Variants in CCDC62 observed in about 807,000 individuals in gnomAD.
The protein encoded by CCDC62 is coiled-coil domain-containing protein 62.
Under a neutral mutation model 80.8 loss-of-function variants are expected in CCDC62, and 72 were observed. The ratio of observed to expected loss-of-function variants is 0.89; its 90% CI spans 0.74 to 1.08. CCDC62 has a LOEUF of 1.08. Among genes scored for constraint, CCDC62 ranks in the 50% least tolerant of loss-of-function variants. The pLI, the probability that CCDC62 is intolerant of heterozygous loss-of-function variation, is 0.00. For synonymous variants in CCDC62, 286 were observed against 296.5 expected (o/e 0.96, Z 0.36); for missense variants, 704 against 809.4 (o/e 0.87, Z 1.58).
intron 10 of CCDC62, among the ~76,000 whole-genome samples, chr12:122,807,374 T>A (rs2031663305): frequency 1.3e-5 from 2 of 151,514 alleles, no homozygotes; most frequent in South Asian, 4.2e-4. Flanking sequence ...TCTACTAAAA[T>A]AAAAAAATTA....
chr12:122,781,483 C>T (rs1041914424), intron 3 of CCDC62, among the ~76,000 whole-genome samples, 153 bp downstream of exon 3: 3 of 151,978 alleles, frequency 2.0e-5, no homozygotes, highest in South Asian at 2.1e-4. Context: ...GTCAGGAGTT[C>T]GAGACCAGCC....
At chr12:122,814,656 T>A (rs553996604) in intron 11 of CCDC62, among the ~76,000 whole-genome samples, 7 of 151,816 alleles carry the variant, frequency 4.6e-5, no homozygotes, top group African/African-American at 1.5e-4. Flanking sequence ...TACAGGCACC[T>A]GCCACCATGC....
intron 1 of CCDC62, 163 bp from the exon 2 acceptor site, chr12:122,777,328 C>A (rs902823185): frequency 1.7e-6 from 1 of 590,880 alleles, no homozygotes; most frequent in African/African-American, 1.9e-5. Flanking sequence ...TTAACTTGAA[C>A]ATGTTTTAAG....
rs558880330 is a variant in CCDC62, at chr12:122,803,885, G to A, written c.1706+2033G>A. Among the ~76,000 whole-genome samples the A allele has an allele frequency of 1.1e-4, 16 of 152,226 alleles. No homozygotes were observed. In the East Asian group the frequency reaches 1.9e-3, roughly 18 times the overall value. On this transcript the variant is annotated intron_variant, in intron 9 of 12. Transcript: ENST00000253079. Reference sequence around the variant, plus strand: ...AAGAGCATAGAGGATTAAATTTAACGTATGAAATAAGTTCAGATTTACATT... The same window carrying A: ...AAGAGCATAGAGGATTAAATTTAACATATGAAATAAGTTCAGATTTACATT...
At chr12:122,808,539 T>C (rs2031723054) in intron 10 of CCDC62, among the ~76,000 whole-genome samples, 1 of 152,166 alleles carries the variant, frequency 6.6e-6, no homozygotes, top group Non-Finnish European at 1.5e-5. Context: ...TTTTTTTCTT[T>C]TTTTAGAGAC....
In CCDC62 at chr12:122,806,277, A is replaced by T; in HGVS notation, c.1833A>T (p.Ala611=). ...CGAGTTTGTTAATCTACAAAGATGC[A>T]CCAGCATTCAATGAAAAGGTTCGTA... The part of the protein sequence containing the change: ...SPTSLLIYKD[A]PAFNEKASIV... Residue 611 remains alanine (A), a synonymous_variant, in exon 10 of 13, where the codon GCA becomes GCT. Transcript: ENST00000253079. 6.2e-7 allele frequency: 1 copy of T among 1,610,300 alleles called. No homozygotes were observed. The highest frequency in any genetic ancestry group is 8.5e-7 in the Non-Finnish European group (1 of 1,177,654).
In CCDC62 at chr12:122,801,095, C is replaced by G. The variant is rs376874915; in HGVS notation, c.978-29C>G. The stretch of plus-strand genomic sequence containing the variant: ...TGATAGCATCAAGTATATCTTATAA[C>G]CTCCATTTTTTTTCTAATGCCACCA... On this transcript the variant is annotated intron_variant, in intron 8 of 12. Coordinates refer to ENST00000253079, the MANE Select transcript of CCDC62 (RefSeq NM_201435.5). 140 of 1,579,844 alleles carry G rather than the reference C, an allele frequency of 8.9e-5. No individual in the cohort carries two copies. In the African/African-American group the frequency reaches 1.8e-3, roughly 20 times the overall value.
intron 8 of CCDC62, among the ~76,000 whole-genome samples, chr12:122,800,263 A>G (rs1045439190): frequency 4.9e-5 from 7 of 143,148 alleles, no homozygotes; most frequent in Admixed American, 2.2e-4. Context: ...AGGAGGTACT[A>G]GATGAGTTGA....
intron 1 of CCDC62, chr12:122,776,583 A>C (rs948067425): frequency 6.6e-6 from 1 of 152,190 alleles, no homozygotes; most frequent in Non-Finnish European, 1.5e-5. Flanking sequence ...CATGTGAAAG[A>C]TTTCCTTACA....
chr12:122,806,372 A>G, intron 10 of CCDC62, 77 bp downstream of exon 10: 1 of 1,143,414 alleles, frequency 8.7e-7, no homozygotes, highest in Non-Finnish European at 1.2e-6. Context: ...TCTAGCAACC[A>G]CTGTTAGCTT....
At chr12:122,804,501 T>C (rs185677782) in intron 9 of CCDC62, among the ~76,000 whole-genome samples, 107 of 152,024 alleles carry the variant, frequency 7.0e-4, no homozygotes, top group Admixed American at 3.0e-3. Context: ...AAAAAGGTCA[T>C]TGGCCAAGTG....
intron 8 of CCDC62, among the ~76,000 whole-genome samples, chr12:122,799,221 A>G (rs2031146839): frequency 6.6e-6 from 1 of 152,236 alleles, no homozygotes. Context: ...AAGTAAATTT[A>G]TTTAACCTGA....
intron 4 of CCDC62, 98 bp downstream of exon 4, chr12:122,785,918 A>C: frequency 1.3e-6 from 1 of 796,306 alleles, no homozygotes; most frequent in Non-Finnish European, 2.1e-6. Context: ...AGAAATGTGA[A>C]GCTACCAACG....
rs2135605107 is a variant in CCDC62, at chr12:122,826,545, G to C, written c.*164G>C. On this transcript the variant is annotated 3_prime_UTR_variant, in exon 13 of 13. Transcript: ENST00000253079. ...TTAATTCCAGCTGGGAGCAGAACTA[G>C]AAAGTTAATTTTTAAACATCTACAC... 2.8e-6 allele frequency: 2 copies of C among 706,452 alleles called. No homozygotes were observed. The highest frequency in any genetic ancestry group is 5.2e-6 in the Non-Finnish European group (2 of 384,640). The allele number at this position is 706,452 out of a possible 1,614,324, so 43.8% of individuals were successfully genotyped here. A position where few individuals can be genotyped will look rare whatever the true frequency, so the allele number is the denominator to read the frequency against.
chr12:122,801,038 G>T, intron 8 of CCDC62, 86 bp from the exon 9 acceptor site: 1 of 1,384,182 alleles, frequency 7.2e-7, no homozygotes, highest in Non-Finnish European at 9.8e-7. Flanking sequence ...TTGGGATTTA[G>T]CTCTACTGAG....
intron 11 of CCDC62, among the ~76,000 whole-genome samples, chr12:122,814,296 AAAAAAGAGAG>A (rs1170983835): frequency 5.1e-5 from 2 of 39,242 alleles, no homozygotes; most frequent in Non-Finnish European, 2.1e-4. Flanking sequence ...AAAAAAAAAA[AAAAAAGAGAG>A]AGAGAAAGAA....
At chr12:122,786,654 A>C (rs1360326029) in intron 4 of CCDC62, among the ~76,000 whole-genome samples, 2 of 152,062 alleles carry the variant, frequency 1.3e-5, no homozygotes, top group East Asian at 3.9e-4. Context: ...TGATTGGGGC[A>C]AGTGCTGTTA....
Position 122,792,059 on chromosome 12 carries a change from G to T in CCDC62, c.710G>T (p.Arg237Leu). Residue 237 changes from arginine to leucine, a missense_variant, in exon 6 of 13, where the codon CGA becomes CTA. Coordinates refer to ENST00000253079, the MANE Select transcript of CCDC62 (RefSeq NM_201435.5). ...NEKTTENNEQREEIIRLKQEK... is the reference protein window; with the variant it reads ...NEKTTENNEQLEEIIRLKQEK... The stretch of plus-strand genomic sequence containing the variant: ...AAGACGACAGAAAATAATGAGCAAC[G>T]AGAAGAGATCATTCGCCTCAAGCAA... 6.2e-7 allele frequency: 1 copy of T among 1,614,044 alleles called. No homozygotes were observed.
At chr12:122,792,238 TGA>T in intron 6 of CCDC62, 117 bp downstream of exon 6, 1 of 569,484 alleles carries the variant, frequency 1.8e-6, no homozygotes, top group Non-Finnish European at 3.2e-6. Context: ...GGGTCTTTTT[TGA>T]GACAGGGTCT....
Sources: gnomAD v4.1 joint callset for allele counts (sites outside exome capture counted in the v4.1 genomes callset) on GRCh38, gnomAD v4.1.1 for gene constraint, MANE v1.5 for transcripts, NCBI Gene and HGNC (gene_info 2026-07-23, HGNC 2026-07-21) for gene names.